Variants in RNF8 observed in about 807,000 individuals in gnomAD.
The protein encoded by RNF8 is ring finger protein 8, also known as E3 ubiquitin-protein ligase RNF8.
RNF8 carries 8 observed loss-of-function variants against 59.3 expected under a neutral mutation model. The observed-to-expected ratio is 0.13, with a 90% CI of 0.08 to 0.24. RNF8 has a LOEUF of 0.24. RNF8 is among the 10% of genes least tolerant of loss of function. The pLI, the probability that RNF8 is intolerant of heterozygous loss-of-function variation, is 1.00. For synonymous variants in RNF8, 162 were observed against 200.0 expected, an observed-to-expected ratio of 0.81 and a Z score of 1.60; for missense variants, 406 against 572.6, an observed-to-expected ratio of 0.71 and a Z score of 2.97.
Position 37,369,346 on chromosome 6 carries a change from A to G in RNF8, c.975+128A>G, listed in dbSNP as rs565745786. Reference sequence around the variant, plus strand: ...CTGAGCACCAAAGACAGGAAATGGAATGGGAACAGTAAACTTTTGAGATAA... The same window carrying G: ...CTGAGCACCAAAGACAGGAAATGGAGTGGGAACAGTAAACTTTTGAGATAA... On this transcript the variant is annotated intron_variant, in intron 3 of 7. Transcript: ENST00000373479. 8 of 1,136,784 alleles carry G rather than the reference A, an allele frequency of 7.0e-6. No individual in the cohort carries two copies. The East Asian group carries it at 2.1e-4, about 30-fold the overall frequency. The allele number at this position is 1,136,784 out of a possible 1,614,324, so 70.4% of individuals were successfully genotyped here.
intron 7 of RNF8, among the ~76,000 whole-genome samples, chr6:37,387,453 A>G (rs1413272752): frequency 6.6e-6 from 1 of 151,940 alleles, no homozygotes; most frequent in Non-Finnish European, 1.5e-5. Context: ...GCATCCTCCC[A>G]TCTCAGCCTC....
At chr6:37,361,481 G>A (rs568286847) in intron 2 of RNF8, 7 of 375,064 alleles carry the variant, frequency 1.9e-5, no homozygotes, top group Admixed American at 7.0e-5. Flanking sequence ...AAGCCCTGTC[G>A]CTATCAAAAA....
intron 7 of RNF8, among the ~76,000 whole-genome samples, chr6:37,387,394 G>A (rs1286113077): frequency 1.3e-5 from 2 of 152,138 alleles, no homozygotes; most frequent in Non-Finnish European, 2.9e-5. Flanking sequence ...CAGGCTGAGT[G>A]CAGTGGCATG....
chr6:37,376,832 C>A, intron 5 of RNF8, 94 bp from the exon 6 acceptor site: 1 of 762,796 alleles, frequency 1.3e-6, no homozygotes, highest in Non-Finnish European at 2.4e-6. Flanking sequence ...CTCATTAAGA[C>A]TGAATCCTCT....
At position 37,360,590 on chromosome 6, in the gene RNF8, G is replaced by A; in HGVS notation, c.240+16G>A. 6.3e-7 allele frequency: 1 copy of A among 1,597,728 alleles called. No homozygotes were observed. Among genetic ancestry groups the A allele is most frequent in the Non-Finnish European group, 8.5e-7 (1 of 1,171,074 alleles). ...GGACAACAAGGTACAGGAATTCACA[G>A]AAGCCTAATGACTTTTATTTGTTTT... On this transcript the variant is annotated intron_variant, in intron 2 of 7. Coordinates refer to ENST00000373479, the MANE Select transcript of RNF8 (RefSeq NM_003958.4). This position sits in a 1 kb window ranked among gnomAD's most constrained non-coding sequence, Gnocchi z 4.2.
chr6:37,388,958 T>C (rs1205365991), intron 7 of RNF8, among the ~76,000 whole-genome samples: 3 of 133,828 alleles, frequency 2.2e-5, no homozygotes, highest in South Asian at 4.5e-4. Flanking sequence ...AGACATTACA[T>C]GGTGTCCTTT....
intron 7 of RNF8, among the ~76,000 whole-genome samples, chr6:37,383,445 T>C (rs1311039020): frequency 6.6e-6 from 1 of 152,226 alleles, no homozygotes; most frequent in Non-Finnish European, 1.5e-5. Context: ...AAACTAGGAT[T>C]GGCAAGCCTG....
At chr6:37,361,795 A>G (rs1179507815) in intron 2 of RNF8, among the ~76,000 whole-genome samples, 1 of 152,196 alleles carries the variant, frequency 6.6e-6, no homozygotes, top group Non-Finnish European at 1.5e-5. Flanking sequence ...ATTGAAGGAG[A>G]CAGTACATAA....
chr6:37,374,548 A>T, intron 4 of RNF8, 72 bp from the exon 5 acceptor site: 1 of 1,108,914 alleles, frequency 9.0e-7, no homozygotes, highest in Non-Finnish European at 1.4e-6. Flanking sequence ...GGGAGAGAAC[A>T]GGCATGTTTG....
chr6:37,373,025 C>CT (rs1203789600), intron 4 of RNF8, among the ~76,000 whole-genome samples: 1 of 152,146 alleles, frequency 6.6e-6, no homozygotes, highest in African/African-American at 2.4e-5. Context: ...ACATGCCACT[C>CT]TCATGCAGTG....
At chr6:37,377,116 A>T in intron 6 of RNF8, 83 bp downstream of exon 6, 1 of 707,590 alleles carries the variant, frequency 1.4e-6, no homozygotes, top group Non-Finnish European at 2.2e-6. Flanking sequence ...CTGTCAACCC[A>T]GGCTAGAGTG....
intron 1 of RNF8, among the ~76,000 whole-genome samples, chr6:37,356,672 T>G (rs1164742147): frequency 1.3e-5 from 2 of 152,164 alleles, no homozygotes; most frequent in African/African-American, 4.8e-5. Context: ...TTCTCTTGTA[T>G]TTAGTTTTCA....
intron 1 of RNF8, 36 bp downstream of exon 1, chr6:37,354,311 G>C: frequency 6.7e-7 from 1 of 1,485,832 alleles, no homozygotes; most frequent in Non-Finnish European, 9.0e-7. Flanking sequence ...CGGAGGGCAG[G>C]GGCTGGAGGG....
chr6:37,355,146 T>C (rs1769066543), intron 1 of RNF8, among the ~76,000 whole-genome samples: 1 of 151,874 alleles, frequency 6.6e-6, no homozygotes, highest in African/African-American at 2.4e-5. Flanking sequence ...TGCACCAGCG[T>C]GGTGCATCTT....
intron 7 of RNF8, among the ~76,000 whole-genome samples, chr6:37,383,416 G>A (rs1435289715): frequency 6.6e-6 from 1 of 152,184 alleles, no homozygotes; most frequent in Non-Finnish European, 1.5e-5. Context: ...TTTTAAAAAG[G>A]ACCAAATTTA....
chr6:37,377,395 C>G (rs550590154), intron 6 of RNF8, among the ~76,000 whole-genome samples: 68 of 152,084 alleles, frequency 4.5e-4, no homozygotes, highest in African/African-American at 1.5e-3. Context: ...CTTATTCTCC[C>G]AACCCTGAAT....
chr6:37,386,237 T>G (rs914250935), intron 7 of RNF8, among the ~76,000 whole-genome samples: 2 of 147,582 alleles, frequency 1.4e-5, no homozygotes, highest in African/African-American at 4.9e-5. Context: ...TTAGTAAAAG[T>G]CTGCTGTGGG....
intron 5 of RNF8, among the ~76,000 whole-genome samples, chr6:37,375,046 T>C (rs1435981516): frequency 6.6e-6 from 1 of 152,230 alleles, no homozygotes; most frequent in Admixed American, 6.5e-5. Flanking sequence ...CTATGTAATT[T>C]GAATTACATA....
intron 6 of RNF8, among the ~76,000 whole-genome samples, chr6:37,378,348 C>T (rs566630565): frequency 6.6e-6 from 1 of 152,028 alleles, no homozygotes; most frequent in South Asian, 2.1e-4. Context: ...TGCCTATAAT[C>T]CGAGCACTTT....
Sources: gnomAD v4.1 joint callset for allele counts (sites outside exome capture counted in the v4.1 genomes callset) on GRCh38, gnomAD v4.1.1 for gene constraint, Gnocchi (gnomAD v3.1) non-coding constraint, MANE v1.5 for transcripts, NCBI Gene and HGNC (gene_info 2026-07-23, HGNC 2026-07-21) for gene names.